SLC25A13: variants seen among roughly 807,000 people sequenced by gnomAD.
The protein encoded by SLC25A13 is solute carrier family 25 member 13, also known as electrogenic aspartate/glutamate antiporter SLC25A13, mitochondrial.
In SLC25A13, 70 loss-of-function variants were observed where a neutral mutation model predicts 85.5. The ratio of observed to expected loss-of-function variants is 0.82; its 90% CI spans 0.68 to 1.00. SLC25A13 has a LOEUF of 1.00. Among genes scored for constraint, SLC25A13 ranks in the 50% least tolerant of loss-of-function variants. The pLI, the probability that SLC25A13 is intolerant of heterozygous loss-of-function variation, is 0.00. For synonymous variants in SLC25A13, 259 were observed against 288.7 expected, an observed-to-expected ratio of 0.90 and a Z score of 1.04; for missense variants, 765 against 819.8, an observed-to-expected ratio of 0.93 and a Z score of 0.82.
chr7:96,191,960 T>C (rs1404277286), intron 6 of SLC25A13, among the ~76,000 whole-genome samples: 1 of 152,202 alleles, frequency 6.6e-6, no homozygotes, highest in Non-Finnish European at 1.5e-5. Flanking sequence ...TCAAATTCTA[T>C]CCTTCCCTAG....
At chr7:96,203,183 C>A (rs1465286210) in intron 5 of SLC25A13, among the ~76,000 whole-genome samples, 2 of 152,154 alleles carry the variant, frequency 1.3e-5, no homozygotes, top group African/African-American at 4.8e-5. Context: ...TTTACCTTTA[C>A]ACATTCAGGG....
intron 13 of SLC25A13, among the ~76,000 whole-genome samples, chr7:96,158,117 A>G (rs1346626331): frequency 6.6e-6 from 1 of 152,150 alleles, no homozygotes. Context: ...CCCATGATCC[A>G]TTTCCTTTCA....
intron 13 of SLC25A13, among the ~76,000 whole-genome samples, chr7:96,150,233 T>G (rs1455703250): frequency 2.0e-5 from 3 of 152,048 alleles, no homozygotes; most frequent in Non-Finnish European, 4.4e-5. Flanking sequence ...TGATTTTTCA[T>G]TCACCAAATA....
chr7:96,148,260 C>T (rs1378452949), intron 13 of SLC25A13, among the ~76,000 whole-genome samples: 2 of 152,132 alleles, frequency 1.3e-5, no homozygotes, highest in Non-Finnish European at 2.9e-5. Context: ...TGAGATGATA[C>T]ACCCACAGGC....
chr7:96,150,511 G>T (rs1328884353), intron 13 of SLC25A13, among the ~76,000 whole-genome samples: 3 of 152,134 alleles, frequency 2.0e-5, no homozygotes, highest in African/African-American at 7.2e-5. Context: ...AAAAGTCATA[G>T]TTGAAGTCCT....
chr7:96,305,797 G>C lies in SLC25A13; in HGVS notation c.16-8846C>G, dbSNP rs1562920331. Among the ~76,000 whole-genome samples the C allele has an allele frequency of 2.0e-5, 3 of 152,262 alleles. No individual in the cohort carries two copies. The East Asian group carries it at 5.8e-4, about 29-fold the overall frequency. ...AGGAAGAGGAAGCCAAAAATGAAAG[G>C]ACAATAAAGAAGTTGCTTCCATTAA... is the stretch of plus-strand genomic sequence containing the variant. On this transcript the variant is annotated intron_variant, in intron 1 of 17. Coordinates refer to ENST00000265631, the MANE Select transcript of SLC25A13 (RefSeq NM_014251.3).
intron 4 of SLC25A13, among the ~76,000 whole-genome samples, chr7:96,212,828 T>C (rs188729297): frequency 6.6e-6 from 1 of 152,282 alleles, no homozygotes; most frequent in Admixed American, 6.5e-5. Context: ...CATGGGACTC[T>C]GCAGGGAAAA....
chr7:96,239,142 G>A (rs1796868003), intron 3 of SLC25A13, among the ~76,000 whole-genome samples: 1 of 147,274 alleles, frequency 6.8e-6, no homozygotes, highest in South Asian at 2.1e-4. Flanking sequence ...TAAATACTCT[G>A]GTATTTCAGG....
At chr7:96,283,199 AG>A (rs1191685083) in intron 2 of SLC25A13, among the ~76,000 whole-genome samples, 1 of 152,216 alleles carries the variant, frequency 6.6e-6, no homozygotes, top group African/African-American at 2.4e-5. Context: ...ATGATAGTAA[AG>A]CACAGGAAAC....
chr7:96,187,808 T>C (rs2116642467), intron 9 of SLC25A13, among the ~76,000 whole-genome samples: 1 of 152,340 alleles, frequency 6.6e-6, no homozygotes, highest in Admixed American at 6.5e-5. Context: ...GGCAGCGCTG[T>C]GCCCACAGGT....
chr7:96,225,601 T>C (rs543441188), intron 4 of SLC25A13, among the ~76,000 whole-genome samples: 96 of 151,586 alleles, frequency 6.3e-4, no homozygotes, highest in African/African-American at 2.2e-3. Flanking sequence ...TCCCGAGATA[T>C]GACTCCAGTC....
intron 15 of SLC25A13, among the ~76,000 whole-genome samples, chr7:96,127,569 C>T (rs1791781394): frequency 6.6e-6 from 1 of 152,116 alleles, no homozygotes; most frequent in African/African-American, 2.4e-5. Context: ...GGAAAGAAAA[C>T]AGTGAGATAA....
chr7:96,294,631 A>C (rs1799279578), intron 2 of SLC25A13, among the ~76,000 whole-genome samples: 1 of 151,846 alleles, frequency 6.6e-6, no homozygotes, highest in Non-Finnish European at 1.5e-5. Flanking sequence ...AAAGAAAAAA[A>C]AGAAACTCTA....
rs1270149011 is a variant in SLC25A13, at chr7:96,184,333, C to G, written c.1121G>C (p.Ser374Thr). 3 of 1,614,176 alleles carry G rather than the reference C, an allele frequency of 1.9e-6. No individual in the cohort carries two copies. The highest frequency in any genetic ancestry group is 2.5e-6 in the Non-Finnish European group (3 of 1,180,030). Residue 374 changes from serine to threonine, a missense_variant, in exon 11 of 18, where the codon AGC (serine) becomes ACC (threonine). Coordinates refer to ENST00000265631, the MANE Select transcript of SLC25A13 (RefSeq NM_014251.3). ...TAGCACTTTCTTAAAACAGTCAAAG[C>G]TGTTTTTATACATGAGTTCTCCCAC... ...SFVGELMYKN[S>T]FDCFKKVLRY... is the part of the protein sequence containing the mutation.
intron 13 of SLC25A13, 61 bp downstream of exon 13, chr7:96,169,984 T>G: frequency 6.7e-7 from 1 of 1,490,122 alleles, no homozygotes; most frequent in Non-Finnish European, 9.4e-7. Flanking sequence ...CTGTTGACCA[T>G]GGTAGTGATA....
intron 3 of SLC25A13, among the ~76,000 whole-genome samples, chr7:96,271,974 C>T (rs1419700963): frequency 6.6e-6 from 1 of 152,122 alleles, no homozygotes; most frequent in Non-Finnish European, 1.5e-5. Context: ...CAGCCTCCAG[C>T]TCCTGGGTTC....
At chr7:96,218,785 G>A (rs1290235223) in intron 4 of SLC25A13, among the ~76,000 whole-genome samples, 1 of 152,062 alleles carries the variant, frequency 6.6e-6, no homozygotes, top group South Asian at 2.1e-4. Flanking sequence ...ACCCCTCTTG[G>A]AGGCAAAGAG....
intron 14 of SLC25A13, 118 bp downstream of exon 14, chr7:96,146,438 G>A: frequency 3.7e-6 from 5 of 1,355,740 alleles, no homozygotes; most frequent in Non-Finnish European, 5.1e-6. Context: ...AGCTTGGGTA[G>A]AACATCTTCT....
intron 3 of SLC25A13, among the ~76,000 whole-genome samples, chr7:96,269,334 C>T (rs776864844): frequency 1.3e-5 from 2 of 152,130 alleles, no homozygotes; most frequent in African/African-American, 2.4e-5. Context: ...GTGTTAAGGC[C>T]GTAAGTGCAC....
Sources: gnomAD v4.1 joint callset for allele counts (sites outside exome capture counted in the v4.1 genomes callset) on GRCh38, gnomAD v4.1.1 for gene constraint, MANE v1.5 for transcripts, NCBI Gene and HGNC (gene_info 2026-07-23, HGNC 2026-07-21) for gene names.